The following SIDT2 variants were observed in gnomAD, a reference collection of about 807,000 sequenced individuals.
SIDT2 encodes SID1 transmembrane family member 2, also known as SID1 transmembrane family, member 2.
A neutral mutation model predicts 114.4 loss-of-function variants in SIDT2; 68 were observed. The ratio of observed to expected loss-of-function variants is 0.59; its 90% CI spans 0.49 to 0.73. The LOEUF is 0.73. Ranked by LOEUF, SIDT2 falls within the 30% of genes least tolerant of loss-of-function variation. SIDT2 has a pLI of 0.00. For synonymous variants in SIDT2, 470 were observed against 438.4 expected (o/e 1.07, Z -0.90); for missense variants, 918 against 1,097.1 (o/e 0.84, Z 2.31).
At position 117,190,776 on chromosome 11, in the gene SIDT2, C is replaced by T. The variant is rs909807015; in HGVS notation, c.1735+36C>T. On this transcript the variant is annotated intron_variant, in intron 18 of 25. Transcript: ENST00000324225. This position sits in a 1 kb window ranked among gnomAD's most constrained non-coding sequence, Gnocchi z 4.1. ...CGTCCTTCTTTTCTGGCTCAACCTA[C>T]AGCAGGGACCTGCCTGAGTCCTTCA... 9 of 1,522,150 alleles carry T rather than the reference C, an allele frequency of 5.9e-6. No homozygotes were observed. The Admixed American group carries it at 8.4e-5, about 14-fold the overall frequency. 94.3% of individuals were successfully genotyped at this position (1,522,150 alleles called of 1,614,324 possible).
rs113275596 is a variant in SIDT2, at chr11:117,186,085, G to A, written c.869-45G>A. On this transcript the variant is annotated intron_variant, in intron 8 of 25. Coordinates refer to ENST00000324225, the MANE Select transcript of SIDT2 (RefSeq NM_001040455.2). ...GCCTTTGGGTGCCATGATGGGAGGT[G>A]GTGGAAGGTTTTGACCTGTCCACCT... The A allele has an allele frequency of 3.0e-3, 4,597 of 1,531,598 alleles. 77 individuals are homozygous for A. In the African/African-American group the frequency reaches 0.042, roughly 14 times the overall value. 94.9% of individuals were successfully genotyped at this position (1,531,598 alleles called of 1,614,324 possible).
chr11:117,189,590 T>G, intron 15 of SIDT2, 189 bp downstream of exon 15: 1 of 645,566 alleles, frequency 1.5e-6, no homozygotes, highest in East Asian at 2.7e-5. Flanking sequence ...TTTCTTCATC[T>G]GCAAAATGGG....
At chr11:117,181,684 G>A in intron 2 of SIDT2, 123 bp from the exon 3 acceptor site, 1 of 1,570,462 alleles carries the variant, frequency 6.4e-7, no homozygotes, top group Non-Finnish European at 8.7e-7. Context: ...CACCAGCCGG[G>A]AGCTTGTGCA....
At chr11:117,183,118 C>T (rs548160940) in intron 6 of SIDT2, among the ~76,000 whole-genome samples, 2 of 152,084 alleles carry the variant, frequency 1.3e-5, no homozygotes, top group Non-Finnish European at 1.5e-5. Flanking sequence ...CCGAGGTGGG[C>T]GGATCACCTG....
At chr11:117,194,418 T>C (rs1471641702) in intron 24 of SIDT2, among the ~76,000 whole-genome samples, 1 of 152,220 alleles carries the variant, frequency 6.6e-6, no homozygotes, top group Non-Finnish European at 1.5e-5. Flanking sequence ...AGCTCCAGTT[T>C]ACTTACGAGA....
intron 15 of SIDT2, 165 bp downstream of exon 15, chr11:117,189,566 A>C: frequency 2.9e-6 from 2 of 685,310 alleles, no homozygotes; most frequent in Non-Finnish European, 4.9e-6. Flanking sequence ...AACCCCCCCA[A>C]CCCTGAGTGT....
Position 117,195,085 on chromosome 11 carries a change from CAAAAAAAA to C in SIDT2, c.2323-695_2323-688del, listed in dbSNP as rs55970874. Among the ~76,000 whole-genome samples the C allele has an allele frequency of 7.9e-4, 36 of 45,694 alleles. 1 individual carries two copies. Among genetic ancestry groups the C allele is most frequent in the East Asian group, 2.9e-3 (3 of 1,026 alleles). 30.0% of individuals were successfully genotyped at this position (45,694 alleles called of 152,430 possible). Reference sequence around the variant, plus strand: ...CTGTCAACAGAGCAAGACTCTGTCTCAAAAAAAAAAAAAAAAAAAAAAAAAAAAAGTCT... The same window carrying C: ...CTGTCAACAGAGCAAGACTCTGTCTCAAAAAAAAAAAAAAAAAAAAAGTCT... On this transcript the variant is annotated intron_variant, in intron 24 of 25. Coordinates refer to ENST00000324225, the MANE Select transcript of SIDT2 (RefSeq NM_001040455.2).
At position 117,192,566 on chromosome 11, in the gene SIDT2, CTT is replaced by C. The variant is rs768879852; in HGVS notation, c.1982-7_1982-6del. The C allele has an allele frequency of 5.0e-6, 8 of 1,607,820 alleles. No homozygotes were observed. In the South Asian group the frequency reaches 7.7e-5, roughly 15 times the overall value. ...GTGCCTGTCAGCACCACTCCCTTCT[CTT>C]CGCAGACTCGGGGATCTTCCGCCGC... On this transcript the variant is annotated splice_polypyrimidine_tract_variant and splice_region_variant and intron_variant, in intron 20 of 25. Coordinates refer to ENST00000324225, the MANE Select transcript of SIDT2 (RefSeq NM_001040455.2). This position sits in a 1 kb window ranked among gnomAD's most constrained non-coding sequence, Gnocchi z 5.9.
chr11:117,193,987 T>C (rs1184001402), intron 24 of SIDT2, 24 bp downstream of exon 24: 1 of 1,579,240 alleles, frequency 6.3e-7, no homozygotes, highest in East Asian at 2.2e-5. Context: ...CTCAGGCTCC[T>C]TGTGAGCCAA....
At chr11:117,191,779 A>G (rs1475526911) in intron 18 of SIDT2, 99 bp from the exon 19 acceptor site, 23 of 1,518,040 alleles carry the variant, frequency 1.5e-5, no homozygotes, top group Non-Finnish European at 1.9e-5. Context: ...GTGGTGGGGC[A>G]CCAGGGCTCT....
rs1378890115 is a variant in SIDT2, at chr11:117,188,905, C to G, written c.1278+79C>G. 1 of 1,396,548 alleles carries G rather than the reference C, an allele frequency of 7.2e-7. No individual in the cohort carries two copies. Among genetic ancestry groups the G allele is most frequent in the Non-Finnish European group, 1.0e-6 (1 of 982,808 alleles). The allele number at this position is 1,396,548 out of a possible 1,614,324, so 86.5% of individuals were successfully genotyped here. A position where few individuals can be genotyped will look rare whatever the true frequency, so the allele number is the denominator to read the frequency against. On this transcript the variant is annotated intron_variant, in intron 13 of 25. Coordinates refer to ENST00000324225, the MANE Select transcript of SIDT2 (RefSeq NM_001040455.2). This position sits in a 1 kb window ranked among gnomAD's most constrained non-coding sequence, Gnocchi z 4.0. ...GCGTTCCCGCCCCAGCATGTTCCCACTGACGTGGCATTTAGGGAAGCAGAA... is the reference window on the plus strand; with the variant it reads ...GCGTTCCCGCCCCAGCATGTTCCCAGTGACGTGGCATTTAGGGAAGCAGAA...
intron 10 of SIDT2, 127 bp from the exon 11 acceptor site, chr11:117,187,251 G>A (rs2030530301): frequency 7.9e-6 from 8 of 1,011,946 alleles, no homozygotes; most frequent in Non-Finnish European, 1.2e-5. Flanking sequence ...GCCTGGATAG[G>A]TGCTGCTTCT....
Position 117,192,942 on chromosome 11 carries a change from C to T in SIDT2, c.2105+76C>T. On this transcript the variant is annotated intron_variant, in intron 22 of 25. Transcript: ENST00000324225. This position sits in a 1 kb window ranked among gnomAD's most constrained non-coding sequence, Gnocchi z 5.9. ...GGTCAGCCACTGGCTGCCTTGGGGGCTAAGGACAACTTCCAAATGTTGGGC... is the reference window on the plus strand; with the variant it reads ...GGTCAGCCACTGGCTGCCTTGGGGGTTAAGGACAACTTCCAAATGTTGGGC... 6.4e-7 allele frequency: 1 copy of T among 1,567,810 alleles called. No individual in the cohort carries two copies. The highest frequency in any genetic ancestry group is 1.1e-5 in the South Asian group (1 of 90,162).
At position 117,192,450 on chromosome 11, in the gene SIDT2, T is replaced by TG; in HGVS notation, c.1981+93dup. 7.1e-7 allele frequency: 1 copy of TG among 1,413,478 alleles called. No individual in the cohort carries two copies. The allele number at this position is 1,413,478 out of a possible 1,614,324, so 87.6% of individuals were successfully genotyped here. ...CACGGGAGACGCTCAGGTTCTGTCTTGGGGGCCCTGGAGTCACTGGGTGAG... is the reference window on the plus strand; with the variant it reads ...CACGGGAGACGCTCAGGTTCTGTCTTGGGGGGCCCTGGAGTCACTGGGTGAG... On this transcript the variant is annotated intron_variant, in intron 20 of 25. Coordinates refer to ENST00000324225, the MANE Select transcript of SIDT2 (RefSeq NM_001040455.2). The surrounding 1 kb of genome is among the most constrained non-coding windows in gnomAD (Gnocchi z 5.9).
intron 7 of SIDT2, 81 bp from the exon 8 acceptor site, chr11:117,183,993 C>G (rs2046149): frequency 0.073 from 113,877 of 1,553,744 alleles, 5,836 homozygotes; most frequent in African/African-American, 0.26. Context: ...GTTTTTGGCT[C>G]CAGTCTCTCA....
rs570458618 is a variant in SIDT2 at position 117,193,162 on chromosome 11, T to C, written c.2115T>C (p.Tyr705=). Residue 705 remains tyrosine (Y), a synonymous_variant, in exon 23 of 26, where the codon TAT becomes TAC. Transcript: ENST00000324225. The stretch of plus-strand genomic sequence containing the variant: ...TCATCCCTCTTGCCAGGGCTGCCTA[T>C]GGGCTTATCATGCGCCCCAATGATT... ...GNVINWSLAA[Y]GLIMRPNDFA... The C allele has an allele frequency of 2.5e-5, 40 of 1,614,212 alleles. 1 individual carries two copies. The East Asian group carries it at 7.8e-4, about 31-fold the overall frequency.
Position 117,194,948 on chromosome 11 carries a change from G to C in SIDT2, c.2323-854G>C, listed in dbSNP as rs111978001. 9.6e-3 allele frequency among the ~76,000 whole-genome samples: 1,460 copies of C among 151,878 alleles called. 21 individuals are homozygous for C. Among genetic ancestry groups the C allele is most frequent in the Middle Eastern group, 0.048 (14 of 294 alleles). On this transcript the variant is annotated intron_variant, in intron 24 of 25. Transcript: ENST00000324225. ...GTAAAAATACAAAAGTTAGCTGGGC[G>C]TGATGGTGGGCGCCTGTAGTCCCAG...
chr11:117,182,521 C>A lies in SIDT2; in HGVS notation c.519C>A (p.Tyr173Ter). The A allele has an allele frequency of 6.2e-7, 1 of 1,614,064 alleles. No homozygotes were observed. Among genetic ancestry groups the A allele is most frequent in the Non-Finnish European group, 8.5e-7 (1 of 1,179,876 alleles). Residue 173 changes from tyrosine to a stop codon, truncating the protein, a stop_gained and splice_region_variant, in exon 5 of 26, where the codon TAC (tyrosine) becomes TAA (stop). Coordinates refer to ENST00000324225, the MANE Select transcript of SIDT2 (RefSeq NM_001040455.2). LOFTEE classifies it high-confidence loss of function. ...TCCCTTCCTTCCTGCACCCTCAGTA[C>A]TTCAAGTATGAGTTCCCTGAAGGCG... Reference protein sequence around the residue: ...SFNTTAAQPQYFKYEFPEGVD... With the variant: ...SFNTTAAQPQ
At position 117,190,610 on chromosome 11, in the gene SIDT2, C is replaced by G. The variant is rs1464948813; in HGVS notation, c.1618-13C>G. The stretch of plus-strand genomic sequence containing the variant: ...ACTTCCTCCCTCCCTTCCCTTCTCT[C>G]TCTCCCCAACAGGAATGTGGGATCC... On this transcript the variant is annotated splice_polypyrimidine_tract_variant and intron_variant, in intron 17 of 25. Coordinates refer to ENST00000324225, the MANE Select transcript of SIDT2 (RefSeq NM_001040455.2). This position sits in a 1 kb window ranked among gnomAD's most constrained non-coding sequence, Gnocchi z 4.1. 6.4e-7 allele frequency: 1 copy of G among 1,560,532 alleles called. No homozygotes were observed. Among genetic ancestry groups the G allele is most frequent in the Non-Finnish European group, 8.7e-7 (1 of 1,148,770 alleles).
Sources: gnomAD v4.1 joint callset for allele counts (sites outside exome capture counted in the v4.1 genomes callset) on GRCh38, gnomAD v4.1.1 for gene constraint, Gnocchi (gnomAD v3.1) non-coding constraint, MANE v1.5 for transcripts, NCBI Gene and HGNC (gene_info 2026-07-23, HGNC 2026-07-21) for gene names.